PRDM14: variants seen among roughly 807,000 people sequenced by gnomAD.
PRDM14 encodes the protein PR/SET domain 14.
Under a neutral mutation model 48.0 loss-of-function variants are expected in PRDM14, and 16 were observed. The observed-to-expected ratio is 0.33, with a 90% CI of 0.23 to 0.51. The LOEUF is 0.51. Among genes scored for constraint, PRDM14 ranks in the 20% least tolerant of loss-of-function variants. PRDM14 has a pLI of 0.97. For missense variants in PRDM14, 566 were observed against 719.6 expected, an observed-to-expected ratio of 0.79 and a Z score of 2.44; for synonymous variants, 264 against 276.6, an observed-to-expected ratio of 0.95 and a Z score of 0.45.
At chr8:70,052,395 T>C (rs1805402486) in intron 7 of PRDM14, 91 bp from the exon 8 acceptor site, 2 of 1,045,298 alleles carry the variant, frequency 1.9e-6, no homozygotes, top group Non-Finnish European at 2.8e-6. Flanking sequence ...TCACTGTTGC[T>C]CATCCTTATG....
rs371662915 is a variant in PRDM14, at chr8:70,069,473, C to A, written c.388G>T (p.Gly130Cys). ...EYAGASSEDL[G>C]HQIIGGDNES... ...TTGTCGCCACCAATGATTTGGTGGC[C>A]CAGATCTTCACTGCTGGCACCCGCG... is the stretch of plus-strand genomic sequence containing the variant. Residue 130 changes from glycine to cysteine, a missense_variant, in exon 2 of 8, where the codon GGC becomes TGC. Transcript: ENST00000276594. 9 of 1,580,632 alleles carry A rather than the reference C, an allele frequency of 5.7e-6. No homozygotes were observed. The East Asian group carries it at 6.7e-5, about 12-fold the overall frequency.
Position 70,071,153 on chromosome 8 carries a change from C to T in PRDM14, c.-28G>A, listed in dbSNP as rs10216606. ...GCGCGTCCTGTCCCGTGCCTACCTC[C>T]GACACCACCTCCAAGAGCGCCACCG... On this transcript the variant is annotated 5_prime_UTR_variant, in exon 1 of 8. Transcript: ENST00000276594. The surrounding 1 kb of genome is among the most constrained non-coding windows in gnomAD (Gnocchi z 5.2). 27,017 of 152,330 alleles carry T rather than the reference C, an allele frequency of 0.18. 3,220 individuals carry two copies. The highest frequency in any genetic ancestry group is 0.31 in the Middle Eastern group (91 of 296). 9.4% of individuals were successfully genotyped at this position (152,330 alleles called of 1,614,324 possible). A position where few individuals can be genotyped will look rare whatever the true frequency, so the allele number is the denominator to read the frequency against.
At chr8:70,062,876 A>G (rs2131039687) in intron 5 of PRDM14, among the ~76,000 whole-genome samples, 1 of 152,292 alleles carries the variant, frequency 6.6e-6, no homozygotes, top group Middle Eastern at 3.4e-3. Flanking sequence ...GTCAGTGCTC[A>G]GTTTCAGATT....
intron 5 of PRDM14, among the ~76,000 whole-genome samples, chr8:70,064,746 T>C (rs1020325019): frequency 3.3e-5 from 5 of 151,896 alleles, no homozygotes; most frequent in African/African-American, 4.8e-5. Flanking sequence ...AGGATGGCTA[T>C]GATCTCCTGA....
chr8:70,069,049 T>C, intron 2 of PRDM14, 112 bp downstream of exon 2: 2 of 837,852 alleles, frequency 2.4e-6, no homozygotes, highest in East Asian at 2.6e-5. Context: ...TACTTCCCCC[T>C]TCCCGCACTC....
Position 70,051,770 on chromosome 8 carries a change from T to TTGTTTTGTTTTG in PRDM14, c.*306_*307insCAAAACAAAACA. On this transcript the variant is annotated 3_prime_UTR_variant, in exon 8 of 8. Transcript: ENST00000276594. ...CCACACTCTTGAGGGCTACTCATTT[T>TTGTTTTGTTTTG]TTTTGTTTTGTTTTGTTTTGAGACA... is the stretch of plus-strand genomic sequence containing the variant. The TTGTTTTGTTTTG allele has an allele frequency of 4.0e-6, 1 of 247,394 alleles. No individual in the cohort carries two copies. Among genetic ancestry groups the TTGTTTTGTTTTG allele is most frequent in the Non-Finnish European group, 7.8e-6 (1 of 127,634 alleles). The allele number at this position is 247,394 out of a possible 1,614,324, so 15.3% of individuals were successfully genotyped here.
At chr8:70,064,768 G>T (rs182255004) in intron 5 of PRDM14, among the ~76,000 whole-genome samples, 1 of 151,298 alleles carries the variant, frequency 6.6e-6, no homozygotes, top group African/African-American at 2.4e-5. Flanking sequence ...CTCGTGATCC[G>T]CCCGCCTCAC....
Position 70,068,405 on chromosome 8 carries a change from C to A in PRDM14, c.755-18G>T. The A allele has an allele frequency of 6.2e-7, 1 of 1,614,056 alleles. No individual in the cohort carries two copies. The highest frequency in any genetic ancestry group is 1.1e-5 in the South Asian group (1 of 91,082). ...GCATAGACCTAGGGGAAAGCCGAGG[C>A]AGGAAAAGAGAATGAGGAGAGTTGA... On this transcript the variant is annotated intron_variant, in intron 3 of 7. Coordinates refer to ENST00000276594, the MANE Select transcript of PRDM14 (RefSeq NM_024504.4).
Position 70,055,393 on chromosome 8 carries a change from T to G in PRDM14, c.1395A>C (p.Thr465=). Residue 465 remains threonine, a synonymous_variant, in exon 7 of 8, where the codon ACA becomes ACC. Transcript: ENST00000276594. ...HEKHRPHKCS[T]CGKCFSQSSS... The stretch of plus-strand genomic sequence containing the variant: ...AAGATTGAGAGAAACATTTCCCACA[T>G]GTAGAACACTAAGGTGAAAAAGAAA... The G allele has an allele frequency of 6.3e-7, 1 of 1,579,364 alleles. No individual in the cohort carries two copies. Among genetic ancestry groups the G allele is most frequent in the South Asian group, 1.1e-5 (1 of 90,294 alleles).
At chr8:70,057,763 T>A (rs62533465) in intron 6 of PRDM14, among the ~76,000 whole-genome samples, 15,988 of 152,304 alleles carry the variant, frequency 0.1, 1,099 homozygotes, top group Non-Finnish European at 0.16. Flanking sequence ...CGTCCTGATA[T>A]TTTTAAATCC....
At chr8:70,054,053 C>A (rs941245671) in intron 7 of PRDM14, among the ~76,000 whole-genome samples, 2 of 152,216 alleles carry the variant, frequency 1.3e-5, no homozygotes, top group East Asian at 1.9e-4. Flanking sequence ...ATTGAAATAG[C>A]CACATATGAT....
rs181605055 is a variant in PRDM14 at position 70,061,373 on chromosome 8, G to A, written c.1184-2531C>T. Among the ~76,000 whole-genome samples the A allele has an allele frequency of 1.3e-4, 20 of 152,278 alleles. 1 individual carries two copies. Among genetic ancestry groups the A allele is most frequent in the Admixed American group, 2.6e-4 (4 of 15,292 alleles). On this transcript the variant is annotated intron_variant, in intron 5 of 7. Coordinates refer to ENST00000276594, the MANE Select transcript of PRDM14 (RefSeq NM_024504.4). The stretch of plus-strand genomic sequence containing the variant: ...AAATCTTCTCAGCATCAGGACAGCA[G>A]GGAAGCTGTCCATCAGGGGCTTTGT...
chr8:70,063,349 G>A (rs1379618910), intron 5 of PRDM14, among the ~76,000 whole-genome samples: 1 of 151,862 alleles, frequency 6.6e-6, no homozygotes, highest in African/African-American at 2.4e-5. Context: ...CAGGAGAAAT[G>A]CCTGAACCCT....
At chr8:70,059,710 C>T (rs1394039584) in intron 5 of PRDM14, among the ~76,000 whole-genome samples, 1 of 152,108 alleles carries the variant, frequency 6.6e-6, no homozygotes, top group Non-Finnish European at 1.5e-5. Context: ...TTTATATCAC[C>T]GCTCGCCATA....
intron 7 of PRDM14, among the ~76,000 whole-genome samples, chr8:70,053,579 G>T (rs1585646259): frequency 1.3e-5 from 2 of 152,166 alleles, no homozygotes; most frequent in African/African-American, 4.8e-5. Context: ...AGTAGAGATG[G>T]TGTTTCTCCA....
In PRDM14 at chr8:70,052,001, TG is replaced by T; in HGVS notation, c.*75del. The T allele has an allele frequency of 2.0e-6, 2 of 1,025,360 alleles. No individual in the cohort carries two copies. The highest frequency in any genetic ancestry group is 2.9e-6 in the Non-Finnish European group (2 of 685,866). The allele number at this position is 1,025,360 out of a possible 1,614,324, so 63.5% of individuals were successfully genotyped here. Reference sequence around the variant, plus strand: ...GTTGCCCAGGCTGGTCTCGAACTCCTGGACTTGAGTGATCCACCCACCTCTG... The same window carrying T: ...GTTGCCCAGGCTGGTCTCGAACTCCTGACTTGAGTGATCCACCCACCTCTG... On this transcript the variant is annotated 3_prime_UTR_variant, in exon 8 of 8. Coordinates refer to ENST00000276594, the MANE Select transcript of PRDM14 (RefSeq NM_024504.4).
At chr8:70,068,557 T>A in intron 2 of PRDM14, 25 bp from the exon 3 acceptor site, 1 of 1,609,098 alleles carries the variant, frequency 6.2e-7, no homozygotes, top group Non-Finnish European at 8.5e-7. Flanking sequence ...GTTAAAACAA[T>A]TTTTCATTAA....
chr8:70,056,816 CAAAAAA>C (rs761330044), intron 6 of PRDM14, among the ~76,000 whole-genome samples: 14 of 75,394 alleles, frequency 1.9e-4, no homozygotes, highest in Non-Finnish European at 1.8e-4. Context: ...GAGACTGTCT[CAAAAAA>C]AAAAAAAAAA....
intron 6 of PRDM14, among the ~76,000 whole-genome samples, 173 bp from the exon 7 acceptor site, chr8:70,055,574 C>T (rs1204492009): frequency 3.3e-5 from 5 of 151,338 alleles, no homozygotes; most frequent in East Asian, 1.9e-4. Flanking sequence ...GGCACAATCA[C>T]GGTTCACTGC....
Sources: gnomAD v4.1 joint callset for allele counts (sites outside exome capture counted in the v4.1 genomes callset) on GRCh38, gnomAD v4.1.1 for gene constraint, Gnocchi (gnomAD v3.1) non-coding constraint, MANE v1.5 for transcripts, NCBI Gene and HGNC (gene_info 2026-07-23, HGNC 2026-07-21) for gene names.